The following GRIA2 variants were observed in gnomAD, a reference collection of about 807,000 sequenced individuals.
The protein encoded by GRIA2 is glutamate receptor 2.
GRIA2 carries 14 observed loss-of-function variants against 97.3 expected under a neutral mutation model. That is an observed-to-expected ratio of 0.14 (90% CI 0.10 to 0.23). The LOEUF (loss-of-function observed/expected upper bound fraction) is 0.23. Among genes scored for constraint, GRIA2 ranks in the 10% least tolerant of loss-of-function variants. The pLI is 1.00. For synonymous variants in GRIA2, 412 were observed against 387.8 expected, an observed-to-expected ratio of 1.06 and a Z score of -0.73; for missense variants, 558 against 1,069.8, an observed-to-expected ratio of 0.52 and a Z score of 6.67.
At chr4:157,317,505 T>C (rs554348676) in intron 4 of GRIA2, among the ~76,000 whole-genome samples, 153 bp from the exon 5 acceptor site, 2 of 152,184 alleles carry the variant, frequency 1.3e-5, no homozygotes, top group East Asian at 1.9e-4. Context: ...CTAATTTTGA[T>C]AATTATATTT....
At position 157,364,757 on chromosome 4, in the gene GRIA2, AAT is replaced by A. The variant is rs1277753521; in HGVS notation, c.*1329_*1330del. On this transcript the variant is annotated 3_prime_UTR_variant, in exon 16 of 16. Coordinates refer to ENST00000264426, the MANE Select transcript of GRIA2 (RefSeq NM_001083619.3). Reference sequence around the variant, plus strand: ...AAACTTTATATATTATGAATTTTAAAATATGTTTGAGTCTCCTGCAATATAGT... The same window carrying A: ...AAACTTTATATATTATGAATTTTAAAATGTTTGAGTCTCCTGCAATATAGT... The A allele has an allele frequency of 6.6e-6, 1 of 152,092 alleles. No homozygotes were observed. Among genetic ancestry groups the A allele is most frequent in the African/African-American group, 2.4e-5 (1 of 41,412 alleles). The allele number at this position is 152,092 out of a possible 1,614,324, so 9.4% of individuals were successfully genotyped here.
intron 1 of GRIA2, chr4:157,221,447 G>GT: frequency 1.7e-6 from 1 of 587,652 alleles, no homozygotes; most frequent in Admixed American, 3.2e-5. Flanking sequence ...GAAAGGTGAA[G>GT]GTTTCTGGCC....
At chr4:157,349,392 T>C (rs1480583425) in intron 12 of GRIA2, among the ~76,000 whole-genome samples, 1 of 152,010 alleles carries the variant, frequency 6.6e-6, no homozygotes, top group African/African-American at 2.4e-5. Context: ...TTTTTTTTCA[T>C]AGTCAAATTT....
intron 15 of GRIA2, 178 bp from the exon 16 acceptor site, chr4:157,363,257 T>A: frequency 1.6e-6 from 1 of 615,716 alleles, no homozygotes. Context: ...GTGGACAGAT[T>A]CCTGCCATAA....
chr4:157,352,070 C>T (rs774914117), intron 12 of GRIA2, among the ~76,000 whole-genome samples: 14 of 152,216 alleles, frequency 9.2e-5, no homozygotes, highest in South Asian at 2.1e-4. Flanking sequence ...TAAAATGCTG[C>T]GACAGCCTCT....
intron 3 of GRIA2, among the ~76,000 whole-genome samples, chr4:157,307,223 T>C (rs1733884169): frequency 6.6e-6 from 1 of 152,236 alleles, no homozygotes; most frequent in African/African-American, 2.4e-5. Context: ...AATTGTTATA[T>C]GCTGCTTAGT....
In GRIA2 at chr4:157,362,671, T is replaced by C. The variant is rs1736685335; in HGVS notation, c.2407-128T>C. On this transcript the variant is annotated intron_variant, in intron 14 of 15. Coordinates refer to ENST00000264426, the MANE Select transcript of GRIA2 (RefSeq NM_001083619.3). ...AATGGACCATCTAAGAGAAAATCCA[T>C]TGTTTCTCAAATTCAAATGCATTCT... 41 of 792,192 alleles carry C rather than the reference T, an allele frequency of 5.2e-5. No individual in the cohort carries two copies. The East Asian group carries it at 1.0e-3, about 20-fold the overall frequency. The allele number at this position is 792,192 out of a possible 1,614,324, so 49.1% of individuals were successfully genotyped here.
At chr4:157,337,823 C>A (rs1735355423) in intron 11 of GRIA2, among the ~76,000 whole-genome samples, 1 of 150,906 alleles carries the variant, frequency 6.6e-6, no homozygotes, top group South Asian at 2.1e-4. Context: ...TTATCAGTAG[C>A]TTACTTCTCT....
At chr4:157,268,773 A>T (rs915723767) in intron 2 of GRIA2, among the ~76,000 whole-genome samples, 1 of 151,964 alleles carries the variant, frequency 6.6e-6, no homozygotes, top group African/African-American at 2.4e-5. Flanking sequence ...AAATTCAGGG[A>T]ATGCTTTTTT....
At chr4:157,259,115 C>G (rs956625004) in intron 2 of GRIA2, among the ~76,000 whole-genome samples, 10 of 151,992 alleles carry the variant, frequency 6.6e-5, no homozygotes, top group African/African-American at 2.2e-4. Flanking sequence ...GTGGTCCCAC[C>G]TACTAAGGAG....
At chr4:157,349,994 T>C (rs545911099) in intron 12 of GRIA2, among the ~76,000 whole-genome samples, 4 of 152,284 alleles carry the variant, frequency 2.6e-5, no homozygotes, top group Non-Finnish European at 4.4e-5. Context: ...TAACATTTAT[T>C]GAGTTAATCA....
intron 2 of GRIA2, 43 bp from the exon 3 acceptor site, chr4:157,303,509 C>A: frequency 6.3e-7 from 1 of 1,580,178 alleles, no homozygotes; most frequent in South Asian, 1.1e-5. Context: ...GATTGTGTGC[C>A]AATTTCAATG....
At chr4:157,244,184 G>A (rs1274102952) in intron 2 of GRIA2, among the ~76,000 whole-genome samples, 3 of 151,960 alleles carry the variant, frequency 2.0e-5, no homozygotes. Context: ...AAACCTTGGT[G>A]TGATTACTCT....
Position 157,335,772 on chromosome 4 carries a change from T to C in GRIA2, c.1368T>C (p.His456=), listed in dbSNP as rs201288477. 2.5e-6 allele frequency: 4 copies of C among 1,612,792 alleles called. No individual in the cohort carries two copies. Among genetic ancestry groups the C allele is most frequent in the East Asian group, 2.2e-5 (1 of 44,830 alleles). The stretch of plus-strand genomic sequence containing the variant: ...ACCTGGCTGCAGAAATCGCCAAACA[T>C]TGTGGGTTCAAGTACAAGTTGACAA... The part of the protein sequence containing the change: ...CVDLAAEIAK[H]CGFKYKLTIV... The change falls in exon 10 of 16, where the codon CAT becomes CAC. Residue 456 remains histidine, a synonymous_variant. Transcript: ENST00000264426.
intron 2 of GRIA2, among the ~76,000 whole-genome samples, chr4:157,255,905 A>T (rs931490456): frequency 6.6e-6 from 1 of 151,732 alleles, no homozygotes; most frequent in Non-Finnish European, 1.5e-5. Context: ...ATATGAAAAA[A>T]TGCTTAACAT....
chr4:157,361,804 G>A lies in GRIA2; in HGVS notation c.2406+680G>A. ...TAATTTGGTAAGATGTTTTGGTAAT[G>A]CCTGCAGAGTTACTGATTTGTTGTT... On this transcript the variant is annotated intron_variant, in intron 14 of 15. Coordinates refer to ENST00000264426, the MANE Select transcript of GRIA2 (RefSeq NM_001083619.3). This position sits in a 1 kb window ranked among gnomAD's most constrained non-coding sequence, Gnocchi z 5.2. 1 of 600,648 alleles carries A rather than the reference G, an allele frequency of 1.7e-6. No individual in the cohort carries two copies. The highest frequency in any genetic ancestry group is 2.2e-5 in the South Asian group (1 of 46,226). The allele number at this position is 600,648 out of a possible 1,614,324, so 37.2% of individuals were successfully genotyped here. A position where few individuals can be genotyped will look rare whatever the true frequency, so the allele number is the denominator to read the frequency against.
chr4:157,236,330 G>C (rs1730245104), intron 2 of GRIA2, among the ~76,000 whole-genome samples: 1 of 151,984 alleles, frequency 6.6e-6, no homozygotes, highest in Non-Finnish European at 1.5e-5. Context: ...ATGTCTCTGA[G>C]ATAATCACCA....
intron 12 of GRIA2, among the ~76,000 whole-genome samples, chr4:157,346,871 G>T (rs1265612884): frequency 6.6e-6 from 1 of 152,038 alleles, no homozygotes; most frequent in Non-Finnish European, 1.5e-5. Context: ...TTTCCTCTCT[G>T]GTTGGCAGTT....
intron 5 of GRIA2, among the ~76,000 whole-genome samples, chr4:157,318,850 A>T (rs923267140): frequency 6.6e-6 from 1 of 152,188 alleles, no homozygotes; most frequent in Admixed American, 6.5e-5. Flanking sequence ...AGCTTTTGAC[A>T]TATACAAATT....
Sources: allele counts gnomAD v4.1 joint callset (sites outside exome capture counted in the v4.1 genomes callset), GRCh38; gene constraint gnomAD v4.1.1; non-coding constraint Gnocchi (gnomAD v3.1); transcripts MANE v1.5; gene names NCBI Gene and HGNC (gene_info 2026-07-23, HGNC 2026-07-21).